The following FREM1 variants were observed in gnomAD, a reference collection of about 807,000 sequenced individuals.
The protein encoded by FREM1 is FRAS1 related extracellular matrix 1.
A neutral mutation model predicts 210.1 loss-of-function variants in FREM1; 220 were observed. The observed-to-expected ratio is 1.05, with a 90% CI of 0.94 to 1.17. The LOEUF is 1.17. Ranked by LOEUF, FREM1 falls within the 50% of genes most tolerant of loss-of-function variation. The pLI is 0.00. For missense variants in FREM1, 3,454 were observed against 2,675.5 expected (o/e 1.29, Z -6.42); for synonymous variants, 1,189 against 980.2 (o/e 1.21, Z -3.98).
chr9:14,841,417 T>G, intron 10 of FREM1, 30 bp downstream of exon 10: 1 of 1,545,364 alleles, frequency 6.5e-7, no homozygotes, highest in Non-Finnish European at 8.8e-7. Context: ...GCACAAGACT[T>G]TGGGAAAGTG....
intron 1 of FREM1, among the ~76,000 whole-genome samples, chr9:14,888,423 G>C (rs964886500): frequency 6.6e-6 from 1 of 152,088 alleles, no homozygotes; most frequent in Non-Finnish European, 1.5e-5. Context: ...TAGTATGCAG[G>C]AAATTTAACA....
chr9:14,814,860 G>C (rs957692928), intron 15 of FREM1, among the ~76,000 whole-genome samples: 4 of 152,100 alleles, frequency 2.6e-5, no homozygotes, highest in African/African-American at 4.8e-5. Flanking sequence ...CCATCCTCTT[G>C]TGTTTAAAAA....
At chr9:14,792,008 C>G (rs1851440851) in intron 22 of FREM1, among the ~76,000 whole-genome samples, 1 of 151,898 alleles carries the variant, frequency 6.6e-6, no homozygotes. Flanking sequence ...CCACACCCGG[C>G]TAATTTTTGC....
At chr9:14,749,405 T>C (rs1389430683) in intron 30 of FREM1, among the ~76,000 whole-genome samples, 2 of 151,658 alleles carry the variant, frequency 1.3e-5, no homozygotes, top group African/African-American at 2.4e-5. Context: ...GAGAAGGGAA[T>C]AGATTCCAGG....
intron 14 of FREM1, among the ~76,000 whole-genome samples, chr9:14,818,382 A>G (rs568302952): frequency 2.0e-5 from 3 of 152,318 alleles, no homozygotes; most frequent in African/African-American, 7.2e-5. Context: ...GTCAGGATTA[A>G]ACTCATCTTC....
chr9:14,876,410 C>A (rs866663555), intron 1 of FREM1, among the ~76,000 whole-genome samples: 1 of 152,086 alleles, frequency 6.6e-6, no homozygotes, highest in Non-Finnish European at 1.5e-5. Context: ...GCCTCGCTGC[C>A]GCCTTGCAGT....
chr9:14,811,492 T>C (rs1384904456), intron 16 of FREM1, among the ~76,000 whole-genome samples: 1 of 152,148 alleles, frequency 6.6e-6, no homozygotes, highest in Admixed American at 6.5e-5. Context: ...AAATCAAAAA[T>C]GAGTACCTAG....
At chr9:14,808,307 A>G (rs750537925) in intron 16 of FREM1, among the ~76,000 whole-genome samples, 173 bp from the exon 17 acceptor site, 1 of 152,218 alleles carries the variant, frequency 6.6e-6, no homozygotes, top group African/African-American at 2.4e-5. Flanking sequence ...AGTCATGAAA[A>G]TAATGCAAAA....
In FREM1 at chr9:14,747,296, C is replaced by T; in HGVS notation, c.5977G>A (p.Glu1993Lys). 1 of 1,613,406 alleles carries T rather than the reference C, an allele frequency of 6.2e-7. No homozygotes were observed. Among genetic ancestry groups the T allele is most frequent in the Non-Finnish European group, 8.5e-7 (1 of 1,179,734 alleles). The change falls in exon 33 of 37, where the codon GAA becomes AAA. Residue 1993 changes from glutamate (E) to lysine (K), a missense_variant. By Grantham distance (56) the Glu-to-Lys change is moderately conservative (BLOSUM62 1). Coordinates refer to ENST00000380880, the MANE Select transcript of FREM1 (RefSeq NM_001379081.2). The part of the protein sequence containing the change: ...VAELPQADKV[E>K]STTDSHFPRQ... Reference sequence around the variant, plus strand: ...GGGAAGTGTGAGTCAGTTGTGGATTCCACCTTATCTGCTTGAGGCAGTTCT... The same window carrying T: ...GGGAAGTGTGAGTCAGTTGTGGATTTCACCTTATCTGCTTGAGGCAGTTCT...
Position 14,750,213 on chromosome 9 carries a change from A to G in FREM1, c.5471T>C (p.Val1824Ala). Residue 1824 changes from valine (V) to alanine (A), a missense_variant, in exon 30 of 37, where the codon GTC becomes GCC. By Grantham distance (64) the Val-to-Ala change is moderately conservative. Transcript: ENST00000380880. ...AGGGGAGTTCAGAATTACTTCAAAG[A>G]CCTCATCATCTTCCTCTAATCCGTC... is the stretch of plus-strand genomic sequence containing the variant. Reference protein sequence around the residue: ...TYDGLEEDDEVFEVILNSPVN... With the variant: ...TYDGLEEDDEAFEVILNSPVN... 1 of 1,613,030 alleles carries G rather than the reference A, an allele frequency of 6.2e-7. No homozygotes were observed.
chr9:14,876,331 G>A (rs4008118), intron 1 of FREM1, among the ~76,000 whole-genome samples: 19 of 151,484 alleles, frequency 1.3e-4, no homozygotes, highest in Non-Finnish European at 2.4e-4. Context: ...TGGGCTCCAC[G>A]CAGTTCGAGC....
At chr9:14,808,612 G>A (rs1254640664) in intron 16 of FREM1, among the ~76,000 whole-genome samples, 2 of 152,160 alleles carry the variant, frequency 1.3e-5, no homozygotes, top group African/African-American at 2.4e-5. Flanking sequence ...TTGAATAGGT[G>A]AAATACAAAA....
intron 1 of FREM1, among the ~76,000 whole-genome samples, chr9:14,883,009 A>G (rs1367823932): frequency 6.6e-6 from 1 of 151,508 alleles, no homozygotes; most frequent in African/African-American, 2.4e-5. Flanking sequence ...ACAAACCCCC[A>G]TACAAATGTT....
rs1840582719 is a variant in FREM1 at position 14,737,416 on chromosome 9, C to T, written c.6520G>A (p.Val2174Met). Residue 2174 changes from valine to methionine, a missense_variant, in exon 37 of 37, where the codon GTG becomes ATG. Transcript: ENST00000380880. ...DCRRAKPHNY[V>M]CSRKL Reference sequence around the variant, plus strand: ...TATATTTAGAGTTTTCTGGAACACACATAATTATGAGGTTTGGCTCTCCTA... The same window carrying T: ...TATATTTAGAGTTTTCTGGAACACATATAATTATGAGGTTTGGCTCTCCTA... 4 of 1,613,512 alleles carry T rather than the reference C, an allele frequency of 2.5e-6. No homozygotes were observed. In the South Asian group the frequency reaches 3.3e-5, roughly 13 times the overall value.
intron 1 of FREM1, among the ~76,000 whole-genome samples, chr9:14,902,826 G>T (rs1338511874): frequency 6.6e-6 from 1 of 152,180 alleles, no homozygotes; most frequent in African/African-American, 2.4e-5. Context: ...TTAAATGGGG[G>T]TTTATGTGGC....
chr9:14,808,071 G>A lies in FREM1; in HGVS notation c.2957C>T (p.Ala986Val). Residue 986 changes from alanine to valine, a missense_variant, in exon 17 of 37, where the codon GCT becomes GTT. Coordinates refer to ENST00000380880, the MANE Select transcript of FREM1 (RefSeq NM_001379081.2). ...GCAACAGCCATTCACAAAAGGGCCA[G>A]CCTCTCCATCCGAAACCACCAATGT... ...TITLVVSDGE[A>V]GPFVNGCCYN... 1 of 1,613,568 alleles carries A rather than the reference G, an allele frequency of 6.2e-7. No individual in the cohort carries two copies. Among genetic ancestry groups the A allele is most frequent in the Non-Finnish European group, 8.5e-7 (1 of 1,179,664 alleles).
intron 1 of FREM1, among the ~76,000 whole-genome samples, chr9:14,875,626 T>C (rs965256999): frequency 1.3e-5 from 2 of 152,248 alleles, no homozygotes; most frequent in African/African-American, 4.8e-5. Flanking sequence ...TTGAATTTCC[T>C]CCTGTAGCTC....
At chr9:14,834,751 GT>G (rs1253431767) in intron 10 of FREM1, among the ~76,000 whole-genome samples, 6 of 152,226 alleles carry the variant, frequency 3.9e-5, no homozygotes, top group Admixed American at 2.0e-4. Context: ...TCTTTTTTAA[GT>G]TATATTTTGG....
At chr9:14,860,636 C>A (rs868354452) in intron 3 of FREM1, among the ~76,000 whole-genome samples, 2 of 121,722 alleles carry the variant, frequency 1.6e-5, no homozygotes, top group Admixed American at 1.7e-4. Flanking sequence ...CACATATATA[C>A]ACATGTATAC....
Sources: gnomAD v4.1 joint callset for allele counts (sites outside exome capture counted in the v4.1 genomes callset) on GRCh38, gnomAD v4.1.1 for gene constraint, MANE v1.5 for transcripts, NCBI Gene and HGNC (gene_info 2026-07-23, HGNC 2026-07-21) for gene names.